TRIM44: variants seen among roughly 807,000 people sequenced by gnomAD.
The protein encoded by TRIM44 is tripartite motif containing 44.
TRIM44 carries 13 observed loss-of-function variants against 37.4 expected under a neutral mutation model. The ratio of observed to expected loss-of-function variants is 0.35; its 90% confidence interval spans 0.23 to 0.55. The LOEUF is 0.55. TRIM44 is among the 20% of genes least tolerant of loss of function. TRIM44 has a pLI of 0.89. For synonymous variants in TRIM44, 175 were observed against 157.2 expected, an observed-to-expected ratio of 1.11 and a Z score of -0.85; for missense variants, 426 against 437.2, an observed-to-expected ratio of 0.97 and a Z score of 0.23.
intron 4 of TRIM44, among the ~76,000 whole-genome samples, chr11:35,779,123 G>A (rs1853021877): frequency 6.6e-6 from 1 of 152,142 alleles, no homozygotes; most frequent in Admixed American, 6.5e-5. Context: ...TGCTTTGTTT[G>A]CCACTCAAGC....
At chr11:35,744,084 G>A (rs1459468782) in intron 4 of TRIM44, among the ~76,000 whole-genome samples, 2 of 152,186 alleles carry the variant, frequency 1.3e-5, no homozygotes, top group African/African-American at 2.4e-5. Flanking sequence ...AAAATAGGTT[G>A]GAGGTGTTTG....
chr11:35,671,252 C>T (rs1850476485), intron 1 of TRIM44, among the ~76,000 whole-genome samples: 1 of 152,122 alleles, frequency 6.6e-6, no homozygotes, highest in Admixed American at 6.5e-5. Flanking sequence ...AAACATAATA[C>T]AGGATTAGAG....
chr11:35,759,609 T>C (rs1264030970), intron 4 of TRIM44, among the ~76,000 whole-genome samples: 3 of 152,084 alleles, frequency 2.0e-5, no homozygotes, highest in Non-Finnish European at 4.4e-5. Context: ...TTCTGCTCTG[T>C]TTTTTCCCCA....
rs1554930079 is a variant in TRIM44, at chr11:35,715,427, TGTGG to T, written c.748-10493_748-10490del. 6.7e-5 allele frequency among the ~76,000 whole-genome samples: 10 copies of T among 150,356 alleles called. No individual in the cohort carries two copies. The East Asian group carries it at 7.9e-4, about 12-fold the overall frequency. On this transcript the variant is annotated intron_variant, in intron 2 of 4. Coordinates refer to ENST00000299413, the MANE Select transcript of TRIM44 (RefSeq NM_017583.6). ...GTATGTGTGTGTGTGTGTGTGTGTGTGTGGGTGTGGGTGTGGGTGTACACAAGGA... is the reference window on the plus strand; with the variant it reads ...GTATGTGTGTGTGTGTGTGTGTGTGTGTGTGGGTGTGGGTGTACACAAGGA...
chr11:35,792,066 TG>T (rs1853219541), intron 4 of TRIM44, among the ~76,000 whole-genome samples: 1 of 83,178 alleles, frequency 1.2e-5, no homozygotes, highest in South Asian at 3.7e-4. Flanking sequence ...CCTGAGGAGT[TG>T]CCCCTACACA....
At chr11:35,769,226 A>G (rs1441999652) in intron 4 of TRIM44, among the ~76,000 whole-genome samples, 5 of 152,208 alleles carry the variant, frequency 3.3e-5, no homozygotes, top group African/African-American at 1.2e-4. Flanking sequence ...TTGTTTGGCT[A>G]TGGAGTAAAA....
intron 4 of TRIM44, among the ~76,000 whole-genome samples, chr11:35,738,701 TC>T (rs1852355740): frequency 1.3e-5 from 2 of 152,182 alleles, no homozygotes; most frequent in Non-Finnish European, 2.9e-5. Flanking sequence ...AGAGTTTTGT[TC>T]CAAGGGCTTC....
chr11:35,746,240 A>G (rs979123452), intron 4 of TRIM44, among the ~76,000 whole-genome samples: 14 of 152,154 alleles, frequency 9.2e-5, no homozygotes, highest in African/African-American at 3.4e-4. Context: ...ACACAACTTC[A>G]GTCTATGTTT....
chr11:35,720,557 A>AG (rs1852094625), intron 2 of TRIM44, among the ~76,000 whole-genome samples: 1 of 151,902 alleles, frequency 6.6e-6, no homozygotes, highest in African/African-American at 2.4e-5. Flanking sequence ...TGCGTAAGCT[A>AG]GGATTTTCAG....
chr11:35,757,303 G>C (rs1160631726), intron 4 of TRIM44, among the ~76,000 whole-genome samples: 1 of 152,174 alleles, frequency 6.6e-6, no homozygotes, highest in African/African-American at 2.4e-5. Flanking sequence ...GGTGTTTATA[G>C]TATTCTCTGA....
intron 4 of TRIM44, among the ~76,000 whole-genome samples, chr11:35,740,230 G>A (rs896566053): frequency 1.4e-5 from 2 of 146,692 alleles, no homozygotes; most frequent in Non-Finnish European, 3.0e-5. Context: ...GAGATCTTGT[G>A]TTCACTCCCT....
At chr11:35,756,486 A>T (rs1852642879) in intron 4 of TRIM44, among the ~76,000 whole-genome samples, 1 of 152,302 alleles carries the variant, frequency 6.6e-6, no homozygotes, top group East Asian at 1.9e-4. Flanking sequence ...TCCTAATTAA[A>T]TGCCCTTTAT....
chr11:35,766,812 C>T (rs1852804429), intron 4 of TRIM44, among the ~76,000 whole-genome samples: 1 of 152,200 alleles, frequency 6.6e-6, no homozygotes, highest in African/African-American at 2.4e-5. Flanking sequence ...TTGACTTGTG[C>T]CTCACCAGCC....
At position 35,770,638 on chromosome 11, in the gene TRIM44, G is replaced by A. The variant is rs191848757; in HGVS notation, c.1007+35193G>A. Reference sequence around the variant, plus strand: ...GTGGTTTTGACTTGCATTTCTCTGAGGATTAGTAATGTTGAACATTTTTCC... The same window carrying A: ...GTGGTTTTGACTTGCATTTCTCTGAAGATTAGTAATGTTGAACATTTTTCC... On this transcript the variant is annotated intron_variant, in intron 4 of 4. Coordinates refer to ENST00000299413, the MANE Select transcript of TRIM44 (RefSeq NM_017583.6). 1.7e-3 allele frequency among the ~76,000 whole-genome samples: 261 copies of A among 152,212 alleles called. 3 individuals are homozygous for A. The highest frequency in any genetic ancestry group is 2.9e-3 in the Non-Finnish European group (198 of 68,006).
At chr11:35,760,957 T>C (rs1437305491) in intron 4 of TRIM44, among the ~76,000 whole-genome samples, 3 of 152,206 alleles carry the variant, frequency 2.0e-5, no homozygotes, top group Non-Finnish European at 4.4e-5. Context: ...CTCCCTCAAC[T>C]GCCCCAGCCT....
At chr11:35,737,355 A>G (rs1018703162) in intron 4 of TRIM44, among the ~76,000 whole-genome samples, 3 of 152,262 alleles carry the variant, frequency 2.0e-5, no homozygotes, top group Admixed American at 1.3e-4. Flanking sequence ...TCTCCTACCT[A>G]TGGAATGGAA....
chr11:35,794,039 A>G (rs560238211), intron 4 of TRIM44, among the ~76,000 whole-genome samples: 29 of 152,354 alleles, frequency 1.9e-4, no homozygotes, highest in African/African-American at 7.0e-4. Flanking sequence ...TTAAAGAGGC[A>G]TCTCACCCAA....
At chr11:35,774,754 G>T (rs1477591703) in intron 4 of TRIM44, among the ~76,000 whole-genome samples, 11 of 152,082 alleles carry the variant, frequency 7.2e-5, no homozygotes, top group Admixed American at 6.5e-4. Context: ...TTTTTGTCAG[G>T]GTTGTCAAAG....
chr11:35,754,269 G>A (rs937219775), intron 4 of TRIM44, among the ~76,000 whole-genome samples: 1 of 152,094 alleles, frequency 6.6e-6, no homozygotes, highest in African/African-American at 2.4e-5. Flanking sequence ...CCTCACATGA[G>A]TAAACAGGGA....
Sources: gnomAD v4.1 joint callset for allele counts (sites outside exome capture counted in the v4.1 genomes callset) on GRCh38, gnomAD v4.1.1 for gene constraint, MANE v1.5 for transcripts, NCBI Gene and HGNC (gene_info 2026-07-23, HGNC 2026-07-21) for gene names.